RAD50: variants seen among roughly 807,000 people sequenced by gnomAD.
RAD50 encodes RAD50 double strand break repair protein.
A neutral mutation model predicts 168.8 loss-of-function variants in RAD50; 132 were observed. That is an observed-to-expected ratio of 0.78 (90% CI 0.68 to 0.90). RAD50 has a LOEUF of 0.90. Ranked by LOEUF, RAD50 falls within the 40% of genes least tolerant of loss-of-function variation. The pLI is 0.00. For missense variants in RAD50, 1,347 were observed against 1,534.4 expected (o/e 0.88, Z 2.04); for synonymous variants, 525 against 497.4 (o/e 1.06, Z -0.74).
chr5:132,595,005 A>G lies in RAD50; in HGVS notation c.1930A>G (p.Arg644Gly), dbSNP rs876659631. ...GSQDFESDLD[R>G]LKEEIEKSSK... ...CCAGGATTTTGAAAGTGATTTAGAC[A>G]GGCTTAAAGAGGAAATTGAAAAATC... The change falls in exon 12 of 25, where the codon AGG becomes GGG. Residue 644 changes from arginine (R) to glycine (G), a missense_variant. Arg to Gly is a moderately radical substitution (Grantham distance 125). Coordinates refer to ENST00000378823, the MANE Select transcript of RAD50 (RefSeq NM_005732.4). The G allele has an allele frequency of 6.2e-7, 1 of 1,613,880 alleles. No individual in the cohort carries two copies. The highest frequency in any genetic ancestry group is 1.1e-5 in the South Asian group (1 of 91,082).
Position 132,590,082 on chromosome 5 carries a change from A to G in RAD50, c.1452+245A>G, listed in dbSNP as rs543356024. On this transcript the variant is annotated intron_variant, in intron 9 of 24. Transcript: ENST00000378823. Reference sequence around the variant, plus strand: ...TACTGTACTCAGACCTTAAAGCTTCAGACCTTCCAAATCAAAATCTCTGAG... The same window carrying G: ...TACTGTACTCAGACCTTAAAGCTTCGGACCTTCCAAATCAAAATCTCTGAG... 2.6e-5 allele frequency among the ~76,000 whole-genome samples: 4 copies of G among 152,210 alleles called. No homozygotes were observed. In the South Asian group the frequency reaches 6.2e-4, roughly 24 times the overall value.
At chr5:132,603,115 CA>C (rs912663044) in intron 13 of RAD50, among the ~76,000 whole-genome samples, 184 bp from the exon 14 acceptor site, 2 of 152,110 alleles carry the variant, frequency 1.3e-5, no homozygotes, top group African/African-American at 4.8e-5. Flanking sequence ...CCATCTAAGC[CA>C]AGTGAATAAG....
chr5:132,565,110 TCTGTCA>T (rs1434490308), intron 2 of RAD50, among the ~76,000 whole-genome samples: 2 of 152,198 alleles, frequency 1.3e-5, no homozygotes, highest in Middle Eastern at 3.4e-3. Context: ...TGTTTAAAAA[TCTGTCA>T]CAATTCCCCC....
At position 132,557,328 on chromosome 5, in the gene RAD50, T is replaced by A. The variant is rs1750018146; in HGVS notation, c.4T>A (p.Ser2Thr). The change falls in exon 1 of 25, where the codon TCC (serine) becomes ACC (threonine). Residue 2 changes from serine (S) to threonine (T), a missense_variant. Transcript: ENST00000378823. ...GAGATTAGAAACGTTTGCAAACATG[T>A]CCCGGATCGAAAAGATGAGCATTCT... MSRIEKMSILGV... is the reference protein window; with the variant it reads MTRIEKMSILGV... 1 of 1,614,058 alleles carries A rather than the reference T, an allele frequency of 6.2e-7. No individual in the cohort carries two copies. The highest frequency in any genetic ancestry group is 2.2e-5 in the East Asian group (1 of 44,878).
intron 16 of RAD50, among the ~76,000 whole-genome samples, chr5:132,605,201 T>G (rs1160489129): frequency 1.3e-5 from 2 of 151,290 alleles, no homozygotes; most frequent in Non-Finnish European, 2.9e-5. Context: ...TGCACCACCA[T>G]GCCTGGCTAA....
chr5:132,608,585 T>C, intron 16 of RAD50, 30 bp from the exon 17 acceptor site: 1 of 1,483,088 alleles, frequency 6.7e-7, no homozygotes, highest in Non-Finnish European at 9.2e-7. Flanking sequence ...TGGAATATTA[T>C]ATAATACTTT....
chr5:132,631,118 CTTTTTTT>C (rs34124696), intron 21 of RAD50, among the ~76,000 whole-genome samples: 2 of 129,098 alleles, frequency 1.5e-5, no homozygotes, highest in African/African-American at 5.9e-5. Context: ...GAGAGTCTCA[CTTTTTTT>C]TTTTTTTTTT....
intron 4 of RAD50, 162 bp from the exon 5 acceptor site, chr5:132,579,700 T>TA: frequency 1.2e-6 from 1 of 839,420 alleles, no homozygotes. Flanking sequence ...ATTGACAGTA[T>TA]AAATGTAATT....
Position 132,578,524 on chromosome 5 carries a change from CTTT to C in RAD50, c.366-771_366-769del, listed in dbSNP as rs903882684. 5.6e-3 allele frequency among the ~76,000 whole-genome samples: 472 copies of C among 84,334 alleles called. 1 individual carries two copies. The highest frequency in any genetic ancestry group is 0.023 in the African/African-American group (451 of 19,916). 55.3% of individuals were successfully genotyped at this position (84,334 alleles called of 152,430 possible). A position where few individuals can be genotyped will look rare whatever the true frequency, so the allele number is the denominator to read the frequency against. Reference sequence around the variant, plus strand: ...ATTCAGTATAATATTTTTTTTCTTTCTTTTTTTTTTTTTTTTTTTTTTTTGAGA... The same window carrying C: ...ATTCAGTATAATATTTTTTTTCTTTCTTTTTTTTTTTTTTTTTTTTTGAGA... On this transcript the variant is annotated intron_variant, in intron 3 of 24. Coordinates refer to ENST00000378823, the MANE Select transcript of RAD50 (RefSeq NM_005732.4).
chr5:132,579,911 C>A lies in RAD50; in HGVS notation c.601C>A (p.Gln201Lys). 6.2e-7 allele frequency: 1 copy of A among 1,612,778 alleles called. No individual in the cohort carries two copies. The highest frequency in any genetic ancestry group is 1.1e-5 in the South Asian group (1 of 91,012). ...TCGGCAGGTACGTCAGACACAAGGTCAGAAAGTAAAAGAATATCAAATGGA... is the reference window on the plus strand; with the variant it reads ...TCGGCAGGTACGTCAGACACAAGGTAAGAAAGTAAAAGAATATCAAATGGA... ...TLRQVRQTQG[Q>K]KVKEYQMELK... is the part of the protein sequence containing the mutation. Residue 201 changes from glutamine (Q) to lysine (K), a missense_variant, in exon 5 of 25, where the codon CAG (glutamine) becomes AAG (lysine). This residue lies in a region of RAD50 where 703 missense variants were observed against 767.7 expected (regional missense o/e 0.92). Transcript: ENST00000378823.
intron 2 of RAD50, among the ~76,000 whole-genome samples, chr5:132,567,239 G>A (rs75405002): frequency 0.022 from 3,300 of 151,678 alleles, 51 homozygotes; most frequent in Non-Finnish European, 0.033. Flanking sequence ...AAAATAATGA[G>A]TATCACACTT....
rs1561663228 is a variant in RAD50, at chr5:132,644,277, T to C, written c.*1913T>C. ...TTTCATTCCAAGAAGCCCATGGGTT[T>C]GGAGGTGGGATAGGTGCCTTTCTGG... On this transcript the variant is annotated 3_prime_UTR_variant, in exon 25 of 25. Coordinates refer to ENST00000378823, the MANE Select transcript of RAD50 (RefSeq NM_005732.4). 1 of 173,222 alleles carries C rather than the reference T, an allele frequency of 5.8e-6. No individual in the cohort carries two copies. Among genetic ancestry groups the C allele is most frequent in the Non-Finnish European group, 1.2e-5 (1 of 80,164 alleles). The allele number at this position is 173,222 out of a possible 1,614,324, so 10.7% of individuals were successfully genotyped here.
At chr5:132,639,270 T>C (rs1284508299) in intron 23 of RAD50, among the ~76,000 whole-genome samples, 2 of 151,134 alleles carry the variant, frequency 1.3e-5, no homozygotes, top group East Asian at 3.9e-4. Flanking sequence ...GGAGAATTGC[T>C]TGAACCTGGG....
Position 132,602,258 on chromosome 5 carries a change from C to T in RAD50, c.2208-1042C>T, listed in dbSNP as rs575089611. On this transcript the variant is annotated intron_variant, in intron 13 of 24. Transcript: ENST00000378823. ...ATAGCCACTTGAGTTTCTGGTTATTCTTTAAGTTTATAATAAGACTCCTAT... is the reference window on the plus strand; with the variant it reads ...ATAGCCACTTGAGTTTCTGGTTATTTTTTAAGTTTATAATAAGACTCCTAT... Among the ~76,000 whole-genome samples, 8 of 152,186 alleles carry T rather than the reference C, an allele frequency of 5.3e-5. No homozygotes were observed. The East Asian group carries it at 1.3e-3, about 26-fold the overall frequency.
At chr5:132,570,698 A>G (rs1750287342) in intron 2 of RAD50, among the ~76,000 whole-genome samples, 1 of 152,186 alleles carries the variant, frequency 6.6e-6, no homozygotes, top group African/African-American at 2.4e-5. Context: ...ATCTATCCCA[A>G]CTACTAAAAC....
At chr5:132,563,933 G>A (rs1259470509) in intron 2 of RAD50, among the ~76,000 whole-genome samples, 2 of 152,132 alleles carry the variant, frequency 1.3e-5, no homozygotes, top group Non-Finnish European at 2.9e-5. Flanking sequence ...TGTTCTGGCC[G>A]TGTAAGATGT....
chr5:132,603,370 GACAT>G lies in RAD50; in HGVS notation c.2282_2285del (p.Ile761SerfsTer3). On this transcript the variant is annotated frameshift_variant, in exon 14 of 25. Coordinates refer to ENST00000378823, the MANE Select transcript of RAD50 (RefSeq NM_005732.4). LOFTEE classifies it high-confidence loss of function. ...AAACAAACTGCAGAATGTCAATAGA[GACAT>G]ACAGCGCCTAAAGAACGACATAGAA... 6.2e-7 allele frequency: 1 copy of G among 1,613,802 alleles called. No individual in the cohort carries two copies. Among genetic ancestry groups the G allele is most frequent in the Non-Finnish European group, 8.5e-7 (1 of 1,179,782 alleles).
chr5:132,571,935 A>G (rs543305899), intron 2 of RAD50, among the ~76,000 whole-genome samples: 3 of 152,246 alleles, frequency 2.0e-5, no homozygotes, highest in Non-Finnish European at 4.4e-5. Flanking sequence ...ATTATCAGTC[A>G]TGAAAGTCAA....
intron 2 of RAD50, among the ~76,000 whole-genome samples, chr5:132,565,670 GT>G (rs1239103156): frequency 1.6e-4 from 24 of 152,064 alleles, no homozygotes; most frequent in African/African-American, 5.8e-4. Flanking sequence ...TTTATACCAG[GT>G]GGCTTCTTGC....
Sources: gnomAD v4.1 joint callset for allele counts (sites outside exome capture counted in the v4.1 genomes callset) on GRCh38, gnomAD v4.1.1 for gene constraint, gnomAD v4.1.1 regional missense constraint, MANE v1.5 for transcripts, NCBI Gene and HGNC (gene_info 2026-07-23, HGNC 2026-07-21) for gene names.